OLA1: variants seen among roughly 807,000 people sequenced by gnomAD.
The protein encoded by OLA1 is obg-like ATPase 1.
Under a neutral mutation model 48.4 loss-of-function variants are expected in OLA1, and 14 were observed. That is an observed-to-expected ratio of 0.29 (90% CI 0.19 to 0.45). OLA1 has a LOEUF of 0.45. Among genes scored for constraint, OLA1 ranks in the 20% least tolerant of loss-of-function variants. The pLI, the probability that OLA1 is intolerant of heterozygous loss-of-function variation, is 1.00. For synonymous variants in OLA1, 127 were observed against 150.4 expected (o/e 0.84, Z 1.14); for missense variants, 325 against 467.1 (o/e 0.70, Z 2.80).
chr2:174,117,453 A>G lies in OLA1; in HGVS notation c.728+5727T>C, dbSNP rs899330684. Among the ~76,000 whole-genome samples the G allele has an allele frequency of 2.6e-5, 4 of 151,936 alleles. No homozygotes were observed. The East Asian group carries it at 5.8e-4, about 22-fold the overall frequency. On this transcript the variant is annotated intron_variant, in intron 7 of 10. Coordinates refer to ENST00000284719, the MANE Select transcript of OLA1 (RefSeq NM_013341.5). ...CACACCCAACTCCTTGATAGTTTCT[A>G]CTCCCTAGGTTACAAATAGACCATA...
intron 2 of OLA1, among the ~76,000 whole-genome samples, chr2:174,245,282 G>T (rs1230724878): frequency 6.6e-6 from 1 of 152,094 alleles, no homozygotes; most frequent in Non-Finnish European, 1.5e-5. Flanking sequence ...TATCACAGCA[G>T]GAAACCCCTT....
At chr2:174,079,211 A>G (rs1574468562) in intron 9 of OLA1, 121 bp from the exon 10 acceptor site, 1 of 711,578 alleles carries the variant, frequency 1.4e-6, no homozygotes, top group Non-Finnish European at 2.3e-6. Flanking sequence ...ATCTGTTAAG[A>G]TGTCAGGTAT....
intron 4 of OLA1, among the ~76,000 whole-genome samples, chr2:174,194,620 C>T (rs1363368566): frequency 6.6e-6 from 1 of 152,108 alleles, no homozygotes. Context: ...ATTTAAAAAT[C>T]CCAATACGTA....
chr2:174,126,601 C>T (rs193175360), intron 5 of OLA1, among the ~76,000 whole-genome samples: 3 of 152,240 alleles, frequency 2.0e-5, no homozygotes, highest in African/African-American at 7.2e-5. Flanking sequence ...GGAATAAATC[C>T]TAGCCACTTA....
At chr2:174,158,586 A>G (rs879017317) in intron 4 of OLA1, among the ~76,000 whole-genome samples, 1 of 152,182 alleles carries the variant, frequency 6.6e-6, no homozygotes, top group Non-Finnish European at 1.5e-5. Context: ...CTTTAGTTAA[A>G]TATGAATACA....
chr2:174,109,057 A>G (rs1685580490), intron 7 of OLA1, among the ~76,000 whole-genome samples: 1 of 152,190 alleles, frequency 6.6e-6, no homozygotes, highest in African/African-American at 2.4e-5. Flanking sequence ...TAATGCAACA[A>G]TTAGTAACCC....
At chr2:174,110,573 T>G (rs1379493559) in intron 7 of OLA1, among the ~76,000 whole-genome samples, 1 of 151,934 alleles carries the variant, frequency 6.6e-6, no homozygotes, top group Admixed American at 6.6e-5. Context: ...GCCTCCCACA[T>G]AGCTGGGACT....
At chr2:174,111,471 G>T (rs143072897) in intron 7 of OLA1, among the ~76,000 whole-genome samples, 2,028 of 152,226 alleles carry the variant, frequency 0.013, 23 homozygotes, top group Non-Finnish European at 0.022. Context: ...GCCTTCCAAG[G>T]TTGTTATGGG....
chr2:174,144,951 A>AAAAAAAAAATATAT (rs1181030817), intron 4 of OLA1, among the ~76,000 whole-genome samples: 9 of 40,296 alleles, frequency 2.2e-4, no homozygotes, highest in Admixed American at 4.5e-4. Flanking sequence ...AAAAAAAAAA[A>AAAAAAAAAATATAT]ATATATATAT....
At chr2:174,084,918 T>A (rs1370082576) in intron 7 of OLA1, among the ~76,000 whole-genome samples, 1 of 152,196 alleles carries the variant, frequency 6.6e-6, no homozygotes, top group Non-Finnish European at 1.5e-5. Context: ...AATATCAAAT[T>A]ATATGGTGGG....
At chr2:174,191,093 T>G (rs1214441299) in intron 4 of OLA1, among the ~76,000 whole-genome samples, 2 of 152,036 alleles carry the variant, frequency 1.3e-5, no homozygotes, top group Non-Finnish European at 2.9e-5. Flanking sequence ...CCTTGAAAAT[T>G]GCTAAGAGTA....
At chr2:174,227,306 T>G (rs1688638092) in intron 3 of OLA1, among the ~76,000 whole-genome samples, 2 of 152,260 alleles carry the variant, frequency 1.3e-5, no homozygotes, top group Non-Finnish European at 2.9e-5. Flanking sequence ...GATCCTGGTT[T>G]AGATGCAACA....
intron 4 of OLA1, among the ~76,000 whole-genome samples, chr2:174,195,272 CCAATAT>C (rs1429589938): frequency 1.3e-5 from 2 of 151,712 alleles, no homozygotes; most frequent in Admixed American, 1.3e-4. Flanking sequence ...TTTTTTTATT[CCAATAT>C]CACAGGCACA....
intron 4 of OLA1, among the ~76,000 whole-genome samples, chr2:174,155,789 C>T (rs548006527): frequency 6.6e-6 from 1 of 151,952 alleles, no homozygotes; most frequent in Non-Finnish European, 1.5e-5. Flanking sequence ...CAGCATGAAT[C>T]AGGATTAAGG....
At chr2:174,108,215 T>C (rs1026287673) in intron 7 of OLA1, among the ~76,000 whole-genome samples, 1 of 152,148 alleles carries the variant, frequency 6.6e-6, no homozygotes. Context: ...TCATTTAGAC[T>C]GTTTGAAGGC....
rs182988026 is a variant in OLA1, at chr2:174,091,008, T to C, written c.729-8944A>G. Among the ~76,000 whole-genome samples, 261 of 152,336 alleles carry C rather than the reference T, an allele frequency of 1.7e-3. 3 individuals carry two copies. The highest frequency in any genetic ancestry group is 3.8e-3 in the Admixed American group (58 of 15,306). On this transcript the variant is annotated intron_variant, in intron 7 of 10. Coordinates refer to ENST00000284719, the MANE Select transcript of OLA1 (RefSeq NM_013341.5). ...GTTTTCTGTTTATCTCTTCACACTA[T>C]AGAAAACAATTTCTTGAGGTCGGAG...
At chr2:174,229,733 A>G (rs1434127407) in intron 2 of OLA1, among the ~76,000 whole-genome samples, 1 of 152,238 alleles carries the variant, frequency 6.6e-6, no homozygotes, top group African/African-American at 2.4e-5. Flanking sequence ...TTAGAGTTTC[A>G]TGTCATACTA....
chr2:174,195,234 AT>A (rs1234454834), intron 4 of OLA1, among the ~76,000 whole-genome samples: 4 of 107,472 alleles, frequency 3.7e-5, no homozygotes, highest in Non-Finnish European at 7.6e-5. Flanking sequence ...CTTTATTACT[AT>A]GCTCAAAAAA....
intron 9 of OLA1, 68 bp from the exon 10 acceptor site, chr2:174,079,158 T>C: frequency 7.1e-7 from 1 of 1,413,104 alleles, no homozygotes; most frequent in East Asian, 2.4e-5. Flanking sequence ...CAGAGTTTCT[T>C]TTCTCTGATC....
Sources: allele counts gnomAD v4.1 joint callset (sites outside exome capture counted in the v4.1 genomes callset), GRCh38; gene constraint gnomAD v4.1.1; transcripts MANE v1.5; gene names NCBI Gene and HGNC (gene_info 2026-07-23, HGNC 2026-07-21).